SPATA16: variants seen among roughly 807,000 people sequenced by gnomAD.
SPATA16 encodes the protein spermatogenesis-associated protein 16.
In SPATA16, 36 loss-of-function variants were observed where a neutral mutation model predicts 63.3. The observed-to-expected ratio is 0.57, with a 90% confidence interval of 0.44 to 0.75. The LOEUF is 0.75. Ranked by LOEUF, SPATA16 falls within the 30% of genes least tolerant of loss-of-function variation. The pLI is 0.00. For synonymous variants in SPATA16, 203 were observed against 216.7 expected (o/e 0.94, Z 0.56); for missense variants, 646 against 679.3 (o/e 0.95, Z 0.54).
chr3:173,097,706 C>G (rs1392279526), intron 2 of SPATA16, among the ~76,000 whole-genome samples: 2 of 152,156 alleles, frequency 1.3e-5, no homozygotes, highest in African/African-American at 4.8e-5. Context: ...TACACAGATT[C>G]AGGAATATGT....
chr3:173,027,847 A>G (rs1735486905), intron 3 of SPATA16, among the ~76,000 whole-genome samples: 1 of 151,902 alleles, frequency 6.6e-6, no homozygotes, highest in Non-Finnish European at 1.5e-5. Context: ...TTTTGCTTCT[A>G]CTTCTCAATC....
intron 4 of SPATA16, among the ~76,000 whole-genome samples, chr3:173,009,509 C>T (rs1735011665): frequency 6.6e-6 from 1 of 152,230 alleles, no homozygotes; most frequent in Non-Finnish European, 1.5e-5. Context: ...ACCACTCAAG[C>T]CCATGTGAAG....
chr3:172,917,767 T>C (rs962534134), intron 8 of SPATA16, among the ~76,000 whole-genome samples: 6 of 151,930 alleles, frequency 3.9e-5, no homozygotes, highest in Non-Finnish European at 7.3e-5. Context: ...AATTTCACTT[T>C]CTTAAGAGAA....
In SPATA16 at chr3:173,117,481, C is replaced by T. The variant is rs143065627; in HGVS notation, c.251G>A (p.Arg84Gln). The stretch of plus-strand genomic sequence containing the variant: ...TGGCTTTTCTTCACCTTCTGCCTTC[C>T]GTTTAAAGGCTGCTTTCTCTAAATC... ...SNDLEKAAFK[R>Q]KAEGEEKPTR... Residue 84 changes from arginine (R) to glutamine (Q), a missense_variant, in exon 2 of 11, where the codon CGG becomes CAG. Physicochemically the swap from Arg to Gln is conservative, Grantham distance 43. Transcript: ENST00000351008. 1.9e-5 allele frequency: 30 copies of T among 1,613,976 alleles called. No homozygotes were observed. Among genetic ancestry groups the T allele is most frequent in the Non-Finnish European group, 2.3e-5 (27 of 1,180,002 alleles).
At chr3:172,919,990 G>A (rs1467953549) in intron 8 of SPATA16, among the ~76,000 whole-genome samples, 1 of 152,130 alleles carries the variant, frequency 6.6e-6, no homozygotes, top group African/African-American at 2.4e-5. Context: ...ACTGCGCCCA[G>A]CCTATATGTT....
At chr3:173,001,433 G>T (rs1362430964) in intron 4 of SPATA16, among the ~76,000 whole-genome samples, 1 of 152,126 alleles carries the variant, frequency 6.6e-6, no homozygotes, top group Non-Finnish European at 1.5e-5. Context: ...ACAGAATGCT[G>T]TGGTGTATTT....
At position 172,915,597 on chromosome 3, in the gene SPATA16, A is replaced by G. The variant is rs1276343306; in HGVS notation, c.1503+720T>C. Among the ~76,000 whole-genome samples, 4 of 152,198 alleles carry G rather than the reference A, an allele frequency of 2.6e-5. No homozygotes were observed. In the East Asian group the frequency reaches 7.7e-4, roughly 29 times the overall value. ...TTACCTTTCCTTGAACAGGCAGCAC[A>G]CTGTTTAGTAAACTGTTTTTCAAAT... is the stretch of plus-strand genomic sequence containing the variant. On this transcript the variant is annotated intron_variant, in intron 9 of 10. Transcript: ENST00000351008.
intron 5 of SPATA16, among the ~76,000 whole-genome samples, chr3:172,967,346 A>G (rs1232751971): frequency 6.6e-6 from 1 of 152,252 alleles, no homozygotes; most frequent in African/African-American, 2.4e-5. Flanking sequence ...ACCTACTAAT[A>G]ATACTGAAAA....
intron 1 of SPATA16, among the ~76,000 whole-genome samples, chr3:173,122,148 T>C (rs1041862203): frequency 6.6e-6 from 1 of 152,072 alleles, no homozygotes; most frequent in Non-Finnish European, 1.5e-5. Flanking sequence ...CGTTAGCAAA[T>C]ATTGACAGGC....
intron 6 of SPATA16, among the ~76,000 whole-genome samples, chr3:172,946,545 T>C (rs943207585): frequency 3.1e-4 from 47 of 152,042 alleles, no homozygotes; most frequent in African/African-American, 1.1e-3. Flanking sequence ...ACACTGACAG[T>C]AGCCAGACAG....
intron 6 of SPATA16, among the ~76,000 whole-genome samples, chr3:172,950,481 A>G (rs1312795701): frequency 6.6e-6 from 1 of 152,200 alleles, no homozygotes; most frequent in Non-Finnish European, 1.5e-5. Flanking sequence ...CACTTTCATA[A>G]ATATTGGGGC....
At chr3:172,925,522 G>A in intron 6 of SPATA16, 30 bp from the exon 7 acceptor site, 1 of 1,613,540 alleles carries the variant, frequency 6.2e-7, no homozygotes, top group Non-Finnish European at 8.5e-7. Context: ...GAACTAAGAG[G>A]CTTTGTTATG....
chr3:172,982,324 T>C (rs1486156419), intron 4 of SPATA16, among the ~76,000 whole-genome samples: 2 of 152,122 alleles, frequency 1.3e-5, no homozygotes, highest in Admixed American at 6.5e-5. Flanking sequence ...ATTTGTCCAA[T>C]GCAAAATTTA....
intron 6 of SPATA16, 105 bp downstream of exon 6, chr3:172,956,572 G>A: frequency 2.4e-6 from 3 of 1,265,928 alleles, no homozygotes; most frequent in Middle Eastern, 2.7e-4. Context: ...TGAAAACAGT[G>A]TACTCCTAAA....
chr3:173,057,115 CTT>C (rs397876631), intron 2 of SPATA16, among the ~76,000 whole-genome samples: 7 of 138,140 alleles, frequency 5.1e-5, no homozygotes, highest in Non-Finnish European at 6.2e-5. Context: ...CTTTTCTTTT[CTT>C]TTTTTTTTTT....
intron 2 of SPATA16, among the ~76,000 whole-genome samples, chr3:173,065,135 T>C (rs1736483809): frequency 1.3e-5 from 2 of 152,234 alleles, no homozygotes; most frequent in African/African-American, 4.8e-5. Context: ...TGTGATATGC[T>C]TCATTGTAGG....
In SPATA16 at chr3:173,036,079, T is replaced by C. The variant is rs373151923; in HGVS notation, c.758+12870A>G. On this transcript the variant is annotated intron_variant, in intron 3 of 10. Transcript: ENST00000351008. ...GCATACCAAAATATAATAGCTGTCTTGGGGAAAAGCACTTCTGCACTTGTT... is the reference window on the plus strand; with the variant it reads ...GCATACCAAAATATAATAGCTGTCTCGGGGAAAAGCACTTCTGCACTTGTT... Among the ~76,000 whole-genome samples the C allele has an allele frequency of 6.6e-5, 10 of 152,126 alleles. 1 individual carries two copies. The highest frequency in any genetic ancestry group is 1.9e-4 in the East Asian group (1 of 5,176).
At chr3:173,140,387 C>G (rs988413930) in intron 1 of SPATA16, among the ~76,000 whole-genome samples, 3 of 152,108 alleles carry the variant, frequency 2.0e-5, no homozygotes, top group African/African-American at 7.2e-5. Flanking sequence ...TTAAACAAAG[C>G]TGGAACCTAT....
rs1287426131 is a variant in SPATA16 at position 172,889,567 on chromosome 3, T to C, written c.*3A>G. The C allele has an allele frequency of 3.7e-6, 6 of 1,613,684 alleles. No homozygotes were observed. Among genetic ancestry groups the C allele is most frequent in the Admixed American group, 1.7e-5 (1 of 60,026 alleles). ...CTTAGTGGTAGTGCCTGCTCCCTAA[T>C]GACTACCTTTGCTGAACAGTTTGAA... On this transcript the variant is annotated 3_prime_UTR_variant, in exon 11 of 11. Coordinates refer to ENST00000351008, the MANE Select transcript of SPATA16 (RefSeq NM_031955.6).
Sources: allele counts gnomAD v4.1 joint callset (sites outside exome capture counted in the v4.1 genomes callset), GRCh38; gene constraint gnomAD v4.1.1; transcripts MANE v1.5; gene names NCBI Gene and HGNC (gene_info 2026-07-23, HGNC 2026-07-21).